The following CACNB2 variants were observed in gnomAD, a reference collection of about 807,000 sequenced individuals.
The protein encoded by CACNB2 is calcium voltage-gated channel auxiliary subunit beta 2.
A neutral mutation model predicts 73.3 loss-of-function variants in CACNB2; 42 were observed. That is an observed-to-expected ratio of 0.57 (90% CI 0.45 to 0.74). The LOEUF is 0.74. Ranked by LOEUF, CACNB2 falls within the 30% of genes least tolerant of loss-of-function variation. CACNB2 has a pLI of 0.00. For missense variants in CACNB2, 940 were observed against 853.0 expected, an observed-to-expected ratio of 1.10 and a Z score of -1.27; for synonymous variants, 348 against 310.3, an observed-to-expected ratio of 1.12 and a Z score of -1.28.
chr10:18,200,223 A>G (rs1464775914), intron 2 of CACNB2, among the ~76,000 whole-genome samples: 1 of 152,112 alleles, frequency 6.6e-6, no homozygotes, highest in Non-Finnish European at 1.5e-5. Flanking sequence ...TGTGCCATTA[A>G]TTTAGACATC....
chr10:18,145,020 C>G (rs1391655437), intron 1 of CACNB2, among the ~76,000 whole-genome samples: 2 of 152,170 alleles, frequency 1.3e-5, no homozygotes, highest in Non-Finnish European at 2.9e-5. Context: ...TCTCAGCACT[C>G]TAGGCCTCAG....
chr10:18,217,266 C>T (rs556957208), intron 2 of CACNB2, among the ~76,000 whole-genome samples: 1 of 152,166 alleles, frequency 6.6e-6, no homozygotes, highest in South Asian at 2.1e-4. Flanking sequence ...GGTGGATCAC[C>T]TGAGGTCAGG....
chr10:18,415,003 G>A (rs917920150), intron 3 of CACNB2, among the ~76,000 whole-genome samples: 1 of 152,186 alleles, frequency 6.6e-6, no homozygotes, highest in Admixed American at 6.5e-5. Flanking sequence ...AAAGTAGAAT[G>A]TATTTAATTA....
intron 2 of CACNB2, among the ~76,000 whole-genome samples, chr10:18,249,658 A>T (rs888301244): frequency 6.6e-5 from 10 of 152,084 alleles, no homozygotes; most frequent in Non-Finnish European, 1.5e-4. Context: ...AATGGGCGAG[A>T]TGCTCCAGGA....
chr10:18,425,972 C>T (rs943818652), intron 3 of CACNB2, among the ~76,000 whole-genome samples: 1 of 152,154 alleles, frequency 6.6e-6, no homozygotes, highest in African/African-American at 2.4e-5. Flanking sequence ...ATTCATGTTT[C>T]AATGCCATAC....
chr10:18,140,752 AT>A lies in CACNB2; in HGVS notation c.17del (p.Met6SerfsTer21), dbSNP rs786205787. 1.3e-6 allele frequency: 2 copies of A among 1,595,136 alleles called. No individual in the cohort carries two copies. Among genetic ancestry groups the A allele is most frequent in the Non-Finnish European group, 1.7e-6 (2 of 1,172,428 alleles). On this transcript the variant is annotated frameshift_variant, in exon 1 of 14. Coordinates refer to ENST00000324631, the MANE Select transcript of CACNB2 (RefSeq NM_201596.3). LOFTEE classifies it high-confidence loss of function. ...CTTTTCGCCAATGGTCCAAAGGGAC[AT>A]GTCCAAGTCGCCTCCCACAGCGGCG... MVQRDMSKSPPTAAAA... is the reference protein window; with the variant it reads MVQRDXSKSPPTAAAA...
At chr10:18,181,740 A>T (rs1363342872) in intron 2 of CACNB2, 2 of 151,178 alleles carry the variant, frequency 1.3e-5, no homozygotes, top group Non-Finnish European at 1.5e-5. Context: ...TCAGTCTCCC[A>T]TGCAGCTGTA....
chr10:18,230,955 G>A (rs1452928336), intron 2 of CACNB2, among the ~76,000 whole-genome samples: 1 of 151,912 alleles, frequency 6.6e-6, no homozygotes, highest in Non-Finnish European at 1.5e-5. Flanking sequence ...CAATGGCAAT[G>A]TGCATATTTT....
At chr10:18,351,232 T>C (rs1407831994) in intron 2 of CACNB2, among the ~76,000 whole-genome samples, 3 of 152,116 alleles carry the variant, frequency 2.0e-5, no homozygotes, top group African/African-American at 7.2e-5. Flanking sequence ...TTAAAATATG[T>C]TTCTTTTGCA....
chr10:18,202,962 A>G (rs567868691), intron 2 of CACNB2, among the ~76,000 whole-genome samples: 5 of 152,156 alleles, frequency 3.3e-5, no homozygotes, highest in Admixed American at 2.0e-4. Flanking sequence ...TCACTGGGAA[A>G]GCTGTTAACA....
chr10:18,504,585 A>C (rs545662424), intron 5 of CACNB2, among the ~76,000 whole-genome samples: 2 of 152,148 alleles, frequency 1.3e-5, no homozygotes, highest in African/African-American at 4.8e-5. Flanking sequence ...GATTTTGCCT[A>C]AGTATGTGAA....
intron 3 of CACNB2, among the ~76,000 whole-genome samples, chr10:18,442,487 A>G (rs908860136): frequency 6.6e-6 from 1 of 151,532 alleles, no homozygotes; most frequent in African/African-American, 2.4e-5. Context: ...GAGTAATCGT[A>G]TTACCTTTTT....
intron 2 of CACNB2, among the ~76,000 whole-genome samples, chr10:18,194,272 A>G (rs1323402694): frequency 1.3e-5 from 2 of 152,124 alleles, no homozygotes; most frequent in Non-Finnish European, 2.9e-5. Flanking sequence ...TGGTTAATGA[A>G]TGACGGTGAA....
At chr10:18,195,829 A>T (rs1278978695) in intron 2 of CACNB2, among the ~76,000 whole-genome samples, 1 of 152,208 alleles carries the variant, frequency 6.6e-6, no homozygotes, top group Non-Finnish European at 1.5e-5. Flanking sequence ...TTTCTGTGTA[A>T]TGTCTATGAA....
At chr10:18,259,732 G>GAAA (rs34296190) in intron 2 of CACNB2, among the ~76,000 whole-genome samples, 1 of 40,998 alleles carries the variant, frequency 2.4e-5, no homozygotes. Context: ...CTCTGTCTCA[G>GAAA]AAAAAAAAAA....
At chr10:18,207,902 T>C (rs553953448) in intron 2 of CACNB2, among the ~76,000 whole-genome samples, 12 of 152,348 alleles carry the variant, frequency 7.9e-5, no homozygotes, top group African/African-American at 2.9e-4. Context: ...GGAGTTATCA[T>C]TGTACCAGCA....
intron 2 of CACNB2, among the ~76,000 whole-genome samples, chr10:18,353,160 C>T (rs1249369549): frequency 6.6e-6 from 1 of 152,040 alleles, no homozygotes; most frequent in East Asian, 1.9e-4. Context: ...GCCTGTAATC[C>T]CAGCACTTTG....
chr10:18,217,743 T>C (rs1198908060), intron 2 of CACNB2, among the ~76,000 whole-genome samples: 1 of 151,488 alleles, frequency 6.6e-6, no homozygotes, highest in Non-Finnish European at 1.5e-5. Context: ...CTAAAGACCA[T>C]GTGACTGGTG....
chr10:18,387,266 T>C (rs2043275536), intron 2 of CACNB2, among the ~76,000 whole-genome samples: 1 of 152,132 alleles, frequency 6.6e-6, no homozygotes, highest in African/African-American at 2.4e-5. Flanking sequence ...TTCTTCTGAG[T>C]CCCATCTTCA....
Sources: allele counts gnomAD v4.1 joint callset (sites outside exome capture counted in the v4.1 genomes callset), GRCh38; gene constraint gnomAD v4.1.1; transcripts MANE v1.5; gene names NCBI Gene and HGNC (gene_info 2026-07-23, HGNC 2026-07-21).